TBC1D12: variants seen among roughly 807,000 people sequenced by gnomAD.
The protein encoded by TBC1D12 is TBC1 domain family, member 12.
A neutral mutation model predicts 86.7 loss-of-function variants in TBC1D12; 56 were observed. That is an observed-to-expected ratio of 0.65 (90% confidence interval 0.52 to 0.81). The LOEUF (loss-of-function observed/expected upper bound fraction) is 0.81. TBC1D12 is among the 30% of genes least tolerant of loss of function. The pLI, the probability that TBC1D12 is intolerant of heterozygous loss-of-function variation, is 0.00. For missense variants in TBC1D12, 1,023 were observed against 1,038.8 expected (o/e 0.98, Z 0.21); for synonymous variants, 421 against 411.7 (o/e 1.02, Z -0.27).
intron 3 of TBC1D12, among the ~76,000 whole-genome samples, chr10:94,476,617 C>T (rs182175034): frequency 2.6e-5 from 4 of 152,104 alleles, no homozygotes; most frequent in Admixed American, 2.6e-4. Context: ...AGATAAGTTC[C>T]CAGAAGAGCT....
intron 1 of TBC1D12, among the ~76,000 whole-genome samples, chr10:94,429,897 C>G (rs1008858080): frequency 2.0e-5 from 3 of 152,190 alleles, no homozygotes; most frequent in Non-Finnish European, 2.9e-5. Flanking sequence ...CCACGCCTGC[C>G]TAATTTTTGC....
At chr10:94,403,655 TCGGAGCCGGAGC>T (rs3980307) in intron 1 of TBC1D12, 71 bp downstream of exon 1, 21 of 1,343,858 alleles carry the variant, frequency 1.6e-5, no homozygotes, top group African/African-American at 3.1e-5. Context: ...TTGGTGGGAG[TCGGAGCCGGAGC>T]CGGAGCCGGA....
intron 4 of TBC1D12, among the ~76,000 whole-genome samples, chr10:94,495,999 A>G (rs1054486347): frequency 6.6e-6 from 1 of 151,968 alleles, no homozygotes; most frequent in Non-Finnish European, 1.5e-5. Flanking sequence ...GCTACTGGAG[A>G]GGCTGAGGCA....
At chr10:94,527,203 G>A (rs547690598) in intron 11 of TBC1D12, among the ~76,000 whole-genome samples, 10 of 151,752 alleles carry the variant, frequency 6.6e-5, no homozygotes, top group South Asian at 4.2e-4. Flanking sequence ...AGTGATTCTC[G>A]TGCCTCAGCC....
chr10:94,507,434 A>C, intron 7 of TBC1D12, 87 bp downstream of exon 7: 1 of 1,148,334 alleles, frequency 8.7e-7, no homozygotes, highest in South Asian at 1.5e-5. Context: ...CGCTTTACAT[A>C]TATCATCTTA....
intron 2 of TBC1D12, 87 bp downstream of exon 2, chr10:94,442,106 A>G: frequency 1.5e-6 from 2 of 1,317,666 alleles, no homozygotes; most frequent in Non-Finnish European, 2.0e-6. Context: ...TTTTAAACTA[A>G]CCATATTCTA....
intron 5 of TBC1D12, among the ~76,000 whole-genome samples, chr10:94,499,446 A>G (rs2056366602): frequency 1.3e-5 from 2 of 152,190 alleles, no homozygotes; most frequent in African/African-American, 2.4e-5. Context: ...TTCACGTGGC[A>G]CAATATCCTA....
At chr10:94,425,906 TTAAA>T (rs917901083) in intron 1 of TBC1D12, among the ~76,000 whole-genome samples, 1 of 152,134 alleles carries the variant, frequency 6.6e-6, no homozygotes, top group Non-Finnish European at 1.5e-5. Context: ...AAATTTATAA[TTAAA>T]TATTTAGTTT....
At chr10:94,438,658 T>G (rs541518809) in intron 1 of TBC1D12, among the ~76,000 whole-genome samples, 153 of 152,188 alleles carry the variant, frequency 1.0e-3, no homozygotes, top group Middle Eastern at 6.8e-3. Context: ...GGGAAGGTAA[T>G]TGGTTTATGC....
intron 1 of TBC1D12, among the ~76,000 whole-genome samples, chr10:94,424,624 GAAAATA>G (rs2055123278): frequency 6.6e-6 from 1 of 152,146 alleles, no homozygotes; most frequent in South Asian, 2.1e-4. Context: ...TAAATTCTTT[GAAAATA>G]AAGAATAGCC....
At chr10:94,495,778 A>G (rs2056310890) in intron 4 of TBC1D12, among the ~76,000 whole-genome samples, 1 of 152,272 alleles carries the variant, frequency 6.6e-6, no homozygotes, top group East Asian at 1.9e-4. Context: ...AATCTTATAT[A>G]GAATATGAAT....
chr10:94,522,463 A>G lies in TBC1D12; in HGVS notation c.2000+10A>G, dbSNP rs778963026. ...TATACTTGATAGACTGGTAAGTCATAACATACGTAATATATAATAATGAAA... is the reference window on the plus strand; with the variant it reads ...TATACTTGATAGACTGGTAAGTCATGACATACGTAATATATAATAATGAAA... On this transcript the variant is annotated intron_variant, in intron 11 of 12. Transcript: ENST00000225235. 5 of 1,039,694 alleles carry G rather than the reference A, an allele frequency of 4.8e-6. No homozygotes were observed. In the South Asian group the frequency reaches 8.3e-5, roughly 17 times the overall value. The allele number at this position is 1,039,694 out of a possible 1,614,324, so 64.4% of individuals were successfully genotyped here.
rs1184674453 is a variant in TBC1D12 at position 94,402,620 on chromosome 10, G to A, written c.7G>A (p.Gly3Ser). ...GGCCGCCACCCACCCCCAGATGGTG[G>A]GTCCGGAGGATGCCGGAGCCTGCTC... is the stretch of plus-strand genomic sequence containing the variant. The part of the protein sequence containing the change: MV[G>S]PEDAGACSGR... Residue 3 changes from glycine to serine, a missense_variant, in exon 1 of 13, where the codon GGT becomes AGT. Physicochemically the swap from Gly to Ser is moderately conservative, Grantham distance 56. This residue lies in a region of TBC1D12 where 628 missense variants were observed against 531.1 expected (regional missense o/e 1.18). Transcript: ENST00000225235. The A allele has an allele frequency of 1.2e-6, 2 of 1,611,408 alleles. No individual in the cohort carries two copies. The highest frequency in any genetic ancestry group is 8.5e-7 in the Non-Finnish European group (1 of 1,179,446).
At chr10:94,407,835 G>A (rs1263674980) in intron 1 of TBC1D12, among the ~76,000 whole-genome samples, 1 of 152,068 alleles carries the variant, frequency 6.6e-6, no homozygotes, top group Non-Finnish European at 1.5e-5. Flanking sequence ...GCATGGTAGC[G>A]TATGCCTGTA....
At chr10:94,437,587 A>C (rs999025453) in intron 1 of TBC1D12, among the ~76,000 whole-genome samples, 2 of 152,050 alleles carry the variant, frequency 1.3e-5, no homozygotes, top group African/African-American at 2.4e-5. Context: ...TGGCCTCCCA[A>C]AGTGAGTTAT....
At chr10:94,524,600 A>G (rs995486346) in intron 11 of TBC1D12, among the ~76,000 whole-genome samples, 1 of 151,814 alleles carries the variant, frequency 6.6e-6, no homozygotes, top group Non-Finnish European at 1.5e-5. Context: ...TTAGCCAGGC[A>G]TGGTGGTGCA....
chr10:94,522,785 G>A (rs11188000), intron 11 of TBC1D12, among the ~76,000 whole-genome samples: 23,783 of 151,976 alleles, frequency 0.16, 2,204 homozygotes, highest in East Asian at 0.38. Context: ...GCCAGGCACG[G>A]TGGCTCATGC....
In TBC1D12 at chr10:94,534,592, A is replaced by AT. The variant is rs1427337309; in HGVS notation, c.*1497dup. On this transcript the variant is annotated 3_prime_UTR_variant, in exon 13 of 13. Coordinates refer to ENST00000225235, the MANE Select transcript of TBC1D12 (RefSeq NM_015188.2). ...TGCCAACTCTAGGAAGTAGTGCTGC[A>AT]TGATTGAATCATTATTTGATGAATT... The AT allele has an allele frequency of 6.6e-6, 1 of 152,232 alleles. No homozygotes were observed. The highest frequency in any genetic ancestry group is 2.4e-5 in the African/African-American group (1 of 41,466). The allele number at this position is 152,232 out of a possible 1,614,324, so 9.4% of individuals were successfully genotyped here.
chr10:94,489,985 C>T (rs565851037), intron 3 of TBC1D12, among the ~76,000 whole-genome samples: 1 of 152,254 alleles, frequency 6.6e-6, no homozygotes, highest in African/African-American at 2.4e-5. Flanking sequence ...CGGTGGCTCA[C>T]CCCTGTAATC....
Sources: gnomAD v4.1 joint callset for allele counts (sites outside exome capture counted in the v4.1 genomes callset) on GRCh38, gnomAD v4.1.1 for gene constraint, gnomAD v4.1.1 regional missense constraint, MANE v1.5 for transcripts, NCBI Gene and HGNC (gene_info 2026-07-23, HGNC 2026-07-21) for gene names.